Variants in STAC observed in about 807,000 individuals in gnomAD.
The protein encoded by STAC is SH3 and cysteine rich domain.
A neutral mutation model predicts 48.8 loss-of-function variants in STAC; 43 were observed. The ratio of observed to expected loss-of-function variants is 0.88; its 90% CI spans 0.69 to 1.14. STAC has a LOEUF of 1.14. Ranked by LOEUF, STAC falls within the 50% of genes most tolerant of loss-of-function variation. The pLI, the probability that STAC is intolerant of heterozygous loss-of-function variation, is 0.00. For synonymous variants in STAC, 193 were observed against 179.5 expected (o/e 1.07, Z -0.60); for missense variants, 497 against 504.0 (o/e 0.99, Z 0.13).
intron 2 of STAC, among the ~76,000 whole-genome samples, chr3:36,454,128 C>T (rs116431364): frequency 0.1 from 15,845 of 152,172 alleles, 898 homozygotes; most frequent in Non-Finnish European, 0.12. Flanking sequence ...CTGCCCTAGC[C>T]AGCAGTAGCA....
Position 36,446,078 on chromosome 3 carries a change from T to G in STAC, c.388+2438T>G, listed in dbSNP as rs147601862. On this transcript the variant is annotated intron_variant, in intron 2 of 10. Transcript: ENST00000273183. ...CATTTCTAATTTTCTTAGCTTCTTA[T>G]TGCCAGCTAGGCCCTTGCCCTTGGA... 7.2e-3 allele frequency among the ~76,000 whole-genome samples: 1,094 copies of G among 152,304 alleles called. 12 individuals are homozygous for G. Among genetic ancestry groups the G allele is most frequent in the Non-Finnish European group, 0.013 (880 of 68,022 alleles).
At chr3:36,499,799 A>C (rs1450655719) in intron 6 of STAC, among the ~76,000 whole-genome samples, 7 of 152,068 alleles carry the variant, frequency 4.6e-5, no homozygotes, top group Admixed American at 2.6e-4. Flanking sequence ...AGAAAGAAAA[A>C]CATAGGCAGA....
chr3:36,528,636 T>G, intron 8 of STAC, 60 bp from the exon 9 acceptor site: 3 of 1,371,760 alleles, frequency 2.2e-6, no homozygotes, highest in Non-Finnish European at 3.0e-6. Flanking sequence ...ACTCCTGACT[T>G]TAAAGTATGT....
intron 2 of STAC, among the ~76,000 whole-genome samples, chr3:36,475,581 C>T (rs991947183): frequency 3.3e-5 from 5 of 152,192 alleles, no homozygotes; most frequent in Non-Finnish European, 4.4e-5. Flanking sequence ...TAACAGAAAT[C>T]TGAAGCATCT....
At chr3:36,496,241 A>G (rs1559513681) in intron 6 of STAC, among the ~76,000 whole-genome samples, 1 of 152,234 alleles carries the variant, frequency 6.6e-6, no homozygotes, top group Non-Finnish European at 1.5e-5. Flanking sequence ...CTGAGAAGCT[A>G]GGTGGATTAA....
chr3:36,530,471 T>C (rs1329517508), intron 10 of STAC, among the ~76,000 whole-genome samples: 1 of 152,186 alleles, frequency 6.6e-6, no homozygotes, highest in Non-Finnish European at 1.5e-5. Context: ...ATTTTAAAAA[T>C]TGTTTTGTCC....
At chr3:36,410,628 G>A (rs1472321840) in intron 1 of STAC, among the ~76,000 whole-genome samples, 1 of 152,126 alleles carries the variant, frequency 6.6e-6, no homozygotes, top group Admixed American at 6.6e-5. Flanking sequence ...AAGCTTAAAG[G>A]ATATCCGTTC....
rs560196855 is a variant in STAC at position 36,523,674 on chromosome 3, TC to T, written c.921-5020del. Among the ~76,000 whole-genome samples, 6 of 152,170 alleles carry T rather than the reference TC, an allele frequency of 3.9e-5. No homozygotes were observed. The South Asian group carries it at 6.2e-4, about 16-fold the overall frequency. ...TGTGATAACCTGAATGAAGAATTAT[TC>T]CATGGAAAGGGCCTGACAGCCACAG... On this transcript the variant is annotated intron_variant, in intron 8 of 10. Transcript: ENST00000273183.
chr3:36,392,768 A>G (rs1699781324), intron 1 of STAC, among the ~76,000 whole-genome samples: 1 of 152,118 alleles, frequency 6.6e-6, no homozygotes, highest in Non-Finnish European at 1.5e-5. Flanking sequence ...CTCTTCCCTT[A>G]AAACTCACAG....
In STAC at chr3:36,486,148, G is replaced by A. The variant is rs775517669; in HGVS notation, c.586G>A (p.Val196Met). 1.6e-5 allele frequency: 26 copies of A among 1,613,546 alleles called. No individual in the cohort carries two copies. Among genetic ancestry groups the A allele is most frequent in the Non-Finnish European group, 1.9e-5 (22 of 1,179,786 alleles). Reference sequence around the variant, plus strand: ...TTCTGTTGCAGCCTGTGGCAATAAGGTGGACCCTGTCTACGAGACCCTCCG... The same window carrying A: ...TTCTGTTGCAGCCTGTGGCAATAAGATGGACCCTGTCTACGAGACCCTCCG... Reference protein sequence around the residue: ...EVMPIACGNKVDPVYETLRFG... With the variant: ...EVMPIACGNKMDPVYETLRFG... The change falls in exon 5 of 11, where the codon GTG becomes ATG. Residue 196 changes from valine (V) to methionine (M), a missense_variant. Val to Met is a conservative substitution (Grantham distance 21, BLOSUM62 1). Transcript: ENST00000273183.
At chr3:36,401,011 G>A (rs1354852248) in intron 1 of STAC, among the ~76,000 whole-genome samples, 3 of 152,170 alleles carry the variant, frequency 2.0e-5, no homozygotes, top group African/African-American at 7.2e-5. Context: ...CCCAGCTGTG[G>A]ACTTGGTTAA....
chr3:36,414,248 T>C (rs1000160368), intron 1 of STAC, among the ~76,000 whole-genome samples: 5 of 152,210 alleles, frequency 3.3e-5, no homozygotes, highest in African/African-American at 1.2e-4. Flanking sequence ...GAAGTTCTCC[T>C]GGATAATATC....
intron 1 of STAC, among the ~76,000 whole-genome samples, chr3:36,426,258 C>A (rs1700562179): frequency 6.6e-6 from 1 of 152,106 alleles, no homozygotes; most frequent in Non-Finnish European, 1.5e-5. Context: ...TAGGAGGAAG[C>A]AAAGTCTCCC....
intron 2 of STAC, among the ~76,000 whole-genome samples, chr3:36,466,699 A>G (rs1192809038): frequency 6.6e-6 from 1 of 152,174 alleles, no homozygotes; most frequent in African/African-American, 2.4e-5. Context: ...TTAGGTTTGT[A>G]TCCTAAAACT....
chr3:36,415,242 T>C (rs1353853815), intron 1 of STAC, among the ~76,000 whole-genome samples: 5 of 152,314 alleles, frequency 3.3e-5, no homozygotes, highest in South Asian at 2.1e-4. Flanking sequence ...GCTGCCTTTT[T>C]TTCAGCTATG....
chr3:36,474,570 T>A (rs896531800), intron 2 of STAC, among the ~76,000 whole-genome samples: 5 of 152,122 alleles, frequency 3.3e-5, no homozygotes, highest in Non-Finnish European at 7.3e-5. Context: ...ACCCAGACCC[T>A]AGTCCTGTTC....
intron 6 of STAC, among the ~76,000 whole-genome samples, 156 bp from the exon 7 acceptor site, chr3:36,504,237 G>A (rs1698345229): frequency 6.6e-6 from 1 of 152,190 alleles, no homozygotes; most frequent in South Asian, 2.1e-4. Context: ...ACATGTGGAA[G>A]ACCACCTGAA....
Position 36,546,209 on chromosome 3 carries a change from G to A in STAC, c.1129G>A (p.Glu377Lys). 1 of 1,613,958 alleles carries A rather than the reference G, an allele frequency of 6.2e-7. No individual in the cohort carries two copies. The highest frequency in any genetic ancestry group is 8.5e-7 in the Non-Finnish European group (1 of 1,179,892). The change falls in exon 11 of 11, where the codon GAA (glutamate) becomes AAA (lysine). Residue 377 changes from glutamate (E) to lysine (K), a missense_variant. Physicochemically the swap from Glu to Lys is moderately conservative, Grantham distance 56. Coordinates refer to ENST00000273183, the MANE Select transcript of STAC (RefSeq NM_003149.3). ...CATTCAGATCTGCGTGAGTTCTGAA[G>A]AAGAACAAGATGGTTTTATCAGAGT... The part of the protein sequence containing the change: ...KENQICVSSE[E>K]EQDGFIRVLS...
rs554924253 is a variant in STAC at position 36,537,396 on chromosome 3, A to T, written c.1110+8411A>T. On this transcript the variant is annotated intron_variant, in intron 10 of 10. Coordinates refer to ENST00000273183, the MANE Select transcript of STAC (RefSeq NM_003149.3). ...GAATAAGATCATGTCCTTTGCAGGG[A>T]CATGGATGGAGCTGGAAGCCATTAT... is the stretch of plus-strand genomic sequence containing the variant. 1.7e-3 allele frequency among the ~76,000 whole-genome samples: 254 copies of T among 152,292 alleles called. No individual in the cohort carries two copies. The Middle Eastern group carries it at 0.024, about 14-fold the overall frequency.
Sources: gnomAD v4.1 joint callset for allele counts (sites outside exome capture counted in the v4.1 genomes callset) on GRCh38, gnomAD v4.1.1 for gene constraint, MANE v1.5 for transcripts, NCBI Gene and HGNC (gene_info 2026-07-23, HGNC 2026-07-21) for gene names.